Variants in MED13 observed in about 807,000 individuals in gnomAD.
MED13 encodes the protein mediator complex subunit 13, also known as mediator of RNA polymerase II transcription subunit 13.
Under a neutral mutation model 225.2 loss-of-function variants are expected in MED13, and 23 were observed. The observed-to-expected ratio is 0.10, with a 90% CI of 0.07 to 0.14. The LOEUF (loss-of-function observed/expected upper bound fraction) is 0.14, where lower values mean the gene tolerates loss of function less well. MED13 is among the 10% of genes least tolerant of loss of function. The pLI, the probability that MED13 is intolerant of heterozygous loss-of-function variation, is 1.00. For missense variants in MED13, 2,197 were observed against 2,594.5 expected (o/e 0.85, Z 3.33); for synonymous variants, 942 against 889.2 (o/e 1.06, Z -1.06).
At chr17:62,062,220 A>G (rs2081044278) in intron 2 of MED13, among the ~76,000 whole-genome samples, 1 of 152,244 alleles carries the variant, frequency 6.6e-6, no homozygotes, top group Non-Finnish European at 1.5e-5. Flanking sequence ...GGAACCTTAT[A>G]GCATACAACC....
intron 3 of MED13, among the ~76,000 whole-genome samples, chr17:62,046,487 C>CA (rs1193214140): frequency 6.6e-6 from 1 of 152,156 alleles, no homozygotes; most frequent in Non-Finnish European, 1.5e-5. Flanking sequence ...CACTAGTGCT[C>CA]AATTACATGG....
chr17:62,063,451 A>T (rs1228789123), intron 1 of MED13, 150 bp from the exon 2 acceptor site: 9 of 563,794 alleles, frequency 1.6e-5, no homozygotes, highest in Non-Finnish European at 2.8e-5. Flanking sequence ...AAAAGACTTT[A>T]TAATTCAACA....
intron 27 of MED13, among the ~76,000 whole-genome samples, chr17:61,952,708 C>T (rs1051120470): frequency 2.6e-5 from 4 of 152,178 alleles, no homozygotes; most frequent in African/African-American, 9.7e-5. Context: ...ATGATCTCGG[C>T]TCACTACAAC....
At chr17:62,034,486 C>CAAAAAA (rs11291859) in intron 4 of MED13, among the ~76,000 whole-genome samples, 1 of 96,356 alleles carries the variant, frequency 1.0e-5, no homozygotes, top group Non-Finnish European at 2.2e-5. Flanking sequence ...GACTTCATCT[C>CAAAAAA]AAAAAAAAAA....
At chr17:61,975,835 G>T (rs1464765850) in intron 16 of MED13, among the ~76,000 whole-genome samples, 1 of 152,118 alleles carries the variant, frequency 6.6e-6, no homozygotes, top group Non-Finnish European at 1.5e-5. Context: ...GGCCAACATG[G>T]TGAAACCCCA....
intron 21 of MED13, 81 bp from the exon 22 acceptor site, chr17:61,961,860 CT>C (rs1009958081): frequency 3.9e-6 from 5 of 1,298,574 alleles, no homozygotes; most frequent in Non-Finnish European, 5.4e-6. Flanking sequence ...ACTCTAAAAA[CT>C]TTTTACTAGA....
intron 26 of MED13, 144 bp downstream of exon 26, chr17:61,955,238 T>G: frequency 1.7e-6 from 1 of 605,238 alleles, no homozygotes; most frequent in Non-Finnish European, 2.6e-6. Flanking sequence ...GAGGATAATC[T>G]CTCCATCTCA....
chr17:62,036,553 A>G (rs1357204427), intron 3 of MED13, among the ~76,000 whole-genome samples: 1 of 152,238 alleles, frequency 6.6e-6, no homozygotes, highest in African/African-American at 2.4e-5. Context: ...TTTTTAAACT[A>G]TGATATTAAT....
chr17:61,982,093 T>A, intron 16 of MED13, 105 bp downstream of exon 16: 1 of 1,114,986 alleles, frequency 9.0e-7, no homozygotes, highest in South Asian at 1.6e-5. Flanking sequence ...TAAGTCCAAC[T>A]TTAAATGTAT....
chr17:62,028,282 T>C (rs552010908), intron 8 of MED13, among the ~76,000 whole-genome samples: 1 of 152,286 alleles, frequency 6.6e-6, no homozygotes, highest in East Asian at 1.9e-4. Flanking sequence ...TCATTATCCT[T>C]AGCACAGGAA....
chr17:61,967,942 T>G lies in MED13; in HGVS notation c.4191+93A>C, dbSNP rs779750109. Reference sequence around the variant, plus strand: ...AACATCTAATCTGACATCATCACTGTGTCCCAATCAACTGAACTGCCCAGT... The same window carrying G: ...AACATCTAATCTGACATCATCACTGGGTCCCAATCAACTGAACTGCCCAGT... On this transcript the variant is annotated intron_variant, in intron 18 of 29. Transcript: ENST00000397786. 202 of 896,544 alleles carry G rather than the reference T, an allele frequency of 2.3e-4. 1 individual carries two copies. The highest frequency in any genetic ancestry group is 1.4e-4 in the Non-Finnish European group (77 of 568,992). 55.5% of individuals were successfully genotyped at this position (896,544 alleles called of 1,614,324 possible).
rs1035347288 is a variant in MED13 at position 61,978,401 on chromosome 17, G to A, written c.3805+3797C>T. On this transcript the variant is annotated intron_variant, in intron 16 of 29. Transcript: ENST00000397786. ...CGAGTAGCTGGGATTATAGGCATGC[G>A]CCACCATGCCCAGCTAATTTTTGTA... 4.6e-5 allele frequency among the ~76,000 whole-genome samples: 7 copies of A among 151,996 alleles called. No individual in the cohort carries two copies. In the South Asian group the frequency reaches 6.2e-4, roughly 14 times the overall value.
chr17:61,967,970 G>A, intron 18 of MED13, 65 bp downstream of exon 18: 1 of 1,251,234 alleles, frequency 8.0e-7, no homozygotes, highest in Non-Finnish European at 1.2e-6. Context: ...TGCCCAGTAT[G>A]CTGTATATAC....
chr17:62,031,507 T>C lies in MED13; in HGVS notation c.946A>G (p.Arg316Gly). 2.5e-6 allele frequency: 4 copies of C among 1,613,910 alleles called. No homozygotes were observed. Among genetic ancestry groups the C allele is most frequent in the Non-Finnish European group, 3.4e-6 (4 of 1,179,912 alleles). The part of the protein sequence containing the change: ...LGVHQVPAST[R>G]DPAMSSVTLT... ...GTAACCGAAGACATAGCAGGATCTCTTGTGGAAGCAGGCACTTGGTGGACA... is the reference window on the plus strand; with the variant it reads ...GTAACCGAAGACATAGCAGGATCTCCTGTGGAAGCAGGCACTTGGTGGACA... The change falls in exon 6 of 30, where the codon AGA becomes GGA. Residue 316 changes from arginine (R) to glycine (G), a missense_variant. Transcript: ENST00000397786.
intron 2 of MED13, among the ~76,000 whole-genome samples, chr17:62,061,619 G>A (rs896899885): frequency 1.3e-5 from 2 of 152,086 alleles, no homozygotes; most frequent in Non-Finnish European, 2.9e-5. Context: ...CTAGTAAGGT[G>A]ATTTTTATGA....
At position 62,001,104 on chromosome 17, in the gene MED13, C is replaced by T. The variant is rs79719319; in HGVS notation, c.1968-5739G>A. On this transcript the variant is annotated intron_variant, in intron 9 of 29. Transcript: ENST00000397786. ...ATTCCAAGGTACTTCTACTTAGAAA[C>T]GCTACTTTAAAAAAATCAGAAAAAT... Among the ~76,000 whole-genome samples, 4 of 152,142 alleles carry T rather than the reference C, an allele frequency of 2.6e-5. No homozygotes were observed. The East Asian group carries it at 7.7e-4, about 29-fold the overall frequency.
At chr17:61,955,941 A>C in intron 24 of MED13, 103 bp from the exon 25 acceptor site, 2 of 1,371,584 alleles carry the variant, frequency 1.5e-6, no homozygotes, top group Non-Finnish European at 1.9e-6. Context: ...ATATAAAAAT[A>C]GTTAATGGCT....
rs747464210 is a variant in MED13, at chr17:61,949,689, TTTTG to T, written c.6291+1132_6291+1135del. On this transcript the variant is annotated intron_variant, in intron 28 of 29. Transcript: ENST00000397786. ...GTATTACAAAGATTATAAATCTTTT[TTTTG>T]TTTGTTTGTTTTGAGATGGAATCTC... Among the ~76,000 whole-genome samples, 69 of 152,168 alleles carry T rather than the reference TTTTG, an allele frequency of 4.5e-4. 2 individuals carry two copies. Among genetic ancestry groups the T allele is most frequent in the South Asian group, 1.0e-3 (5 of 4,816 alleles).
chr17:62,009,020 A>G (rs1436935877), intron 9 of MED13, among the ~76,000 whole-genome samples: 1 of 152,230 alleles, frequency 6.6e-6, no homozygotes, highest in African/African-American at 2.4e-5. Context: ...CATTTAAGCA[A>G]TAAGCAAGTA....
Sources: gnomAD v4.1 joint callset for allele counts (sites outside exome capture counted in the v4.1 genomes callset) on GRCh38, gnomAD v4.1.1 for gene constraint, MANE v1.5 for transcripts, NCBI Gene and HGNC (gene_info 2026-07-23, HGNC 2026-07-21) for gene names.